Variants in TMEM8B observed in about 807,000 individuals in gnomAD.
TMEM8B encodes transmembrane protein 8B, also known as nasopharyngeal carcinoma expressed 6.
TMEM8B carries 29 observed loss-of-function variants against 49.3 expected under a neutral mutation model. The ratio of observed to expected loss-of-function variants is 0.59; its 90% CI spans 0.44 to 0.80. The LOEUF is 0.80. TMEM8B is among the 30% of genes least tolerant of loss of function. The pLI, the probability that TMEM8B is intolerant of heterozygous loss-of-function variation, is 0.00. For missense variants in TMEM8B, 575 were observed against 658.5 expected, an observed-to-expected ratio of 0.87 and a Z score of 1.39; for synonymous variants, 264 against 272.8, an observed-to-expected ratio of 0.97 and a Z score of 0.32.
chr9:35,856,826 G>A lies in TMEM8B; in HGVS notation c.*2986G>A, dbSNP rs1039524515. On this transcript the variant is annotated 3_prime_UTR_variant, in exon 13 of 13. Coordinates refer to ENST00000643932, the MANE Select transcript of TMEM8B (RefSeq NM_001042590.4). ...TTCCCTGAGATGGTGACACCACTTT[G>A]GGTGGGGGGAAGATGAGCTCCACTT... 6.6e-6 allele frequency: 1 copy of A among 152,274 alleles called. No homozygotes were observed. The highest frequency in any genetic ancestry group is 1.5e-5 in the Non-Finnish European group (1 of 68,114). The allele number at this position is 152,274 out of a possible 1,614,324, so 9.4% of individuals were successfully genotyped here.
Position 35,853,392 on chromosome 9 carries a change from T to C in TMEM8B, c.2440-113T>C. On this transcript the variant is annotated intron_variant, in intron 12 of 12. Transcript: ENST00000643932. The surrounding 1 kb of genome is among the most constrained non-coding windows in gnomAD (Gnocchi z 4.2). Reference sequence around the variant, plus strand: ...CTGCTGGCAGTGTCCGCTCCAGTCTTGGCAGGTGTCTTTAGGTCACAACCA... The same window carrying C: ...CTGCTGGCAGTGTCCGCTCCAGTCTCGGCAGGTGTCTTTAGGTCACAACCA... 5 of 1,482,248 alleles carry C rather than the reference T, an allele frequency of 3.4e-6. No individual in the cohort carries two copies. Among genetic ancestry groups the C allele is most frequent in the Non-Finnish European group, 4.6e-6 (5 of 1,093,096 alleles). The allele number at this position is 1,482,248 out of a possible 1,614,324, so 91.8% of individuals were successfully genotyped here. A position where few individuals can be genotyped will look rare whatever the true frequency, so the allele number is the denominator to read the frequency against.
chr9:35,853,581 G>C lies in TMEM8B; in HGVS notation c.2516G>C (p.Ser839Thr), dbSNP rs1832357272. The change falls in exon 13 of 13, where the codon AGC (serine) becomes ACC (threonine). Residue 839 changes from serine (S) to threonine (T), a missense_variant. Transcript: ENST00000643932. This position sits in a 1 kb window ranked among gnomAD's most constrained non-coding sequence, Gnocchi z 4.2. ...TGGCTTTTCTACTTGTGCCCTGGCA[G>C]CCTTATTGCAGGCAGTGCCGTCCTG... is the stretch of plus-strand genomic sequence containing the variant. ...RRWLFYLCPG[S>T]LIAGSAVLLY... The C allele has an allele frequency of 1.2e-6, 2 of 1,614,230 alleles. No homozygotes were observed. The highest frequency in any genetic ancestry group is 1.7e-6 in the Non-Finnish European group (2 of 1,180,052).
chr9:35,846,346 C>G lies in TMEM8B; in HGVS notation c.1818C>G (p.Phe606Leu), dbSNP rs145276064. ...RIPFPQTGTW[F>L]LALRSLCGVG... ...CATTCCCGCAGACGGGGACCTGGTT[C>G]CTGGCCCTCCGCTCCCTGTGCGGGG... Residue 606 changes from phenylalanine to leucine, a missense_variant, in exon 8 of 13, where the codon TTC becomes TTG. By Grantham distance (22) the Phe-to-Leu change is conservative (BLOSUM62 0). Coordinates refer to ENST00000643932, the MANE Select transcript of TMEM8B (RefSeq NM_001042590.4). 1 of 1,614,060 alleles carries G rather than the reference C, an allele frequency of 6.2e-7. No individual in the cohort carries two copies. Among genetic ancestry groups the G allele is most frequent in the Non-Finnish European group, 8.5e-7 (1 of 1,180,028 alleles).
chr9:35,830,042 TG>T, intron 1 of TMEM8B, 87 bp downstream of exon 1: 1 of 409,734 alleles, frequency 2.4e-6, no homozygotes. Context: ...AGGTGGGACC[TG>T]GGGAACTAGA....
At position 35,853,153 on chromosome 9, in the gene TMEM8B, C is replaced by T; in HGVS notation, c.2335C>T (p.Leu779=). 2.5e-6 allele frequency: 4 copies of T among 1,614,026 alleles called. No homozygotes were observed. Among genetic ancestry groups the T allele is most frequent in the Non-Finnish European group, 2.5e-6 (3 of 1,179,886 alleles). The stretch of plus-strand genomic sequence containing the variant: ...TCTCTTTCTCTAGGTGCTGTATTTG[C>T]TGGGAGCTATGCTGCTGTCCATGGC... ...QPVVKQVLYL[L]GAMLLSMALQ... Residue 779 remains leucine (L), a synonymous_variant, in exon 12 of 13, where the codon CTG becomes TTG. Transcript: ENST00000643932. This position sits in a 1 kb window ranked among gnomAD's most constrained non-coding sequence, Gnocchi z 4.2.
In TMEM8B at chr9:35,842,493, C is replaced by T; in HGVS notation, c.1411C>T (p.Leu471Phe). The change falls in exon 6 of 13, where the codon CTT (leucine) becomes TTT (phenylalanine). Residue 471 changes from leucine (L) to phenylalanine (F), a missense_variant. Transcript: ENST00000643932. The surrounding 1 kb of genome is among the most constrained non-coding windows in gnomAD (Gnocchi z 5.6). ...NQPLPPEPPS[L>F]GTPAEGPGTT... ...GCCACTGCCCCCAGAACCGCCATCC[C>T]TTGGAACCCCTGCGGAGGGGCCTGG... 7 of 1,607,944 alleles carry T rather than the reference C, an allele frequency of 4.4e-6. No individual in the cohort carries two copies. Among genetic ancestry groups the T allele is most frequent in the Non-Finnish European group, 5.1e-6 (6 of 1,175,882 alleles).
At chr9:35,843,944 A>G (rs1831264968) in intron 6 of TMEM8B, among the ~76,000 whole-genome samples, 1 of 151,976 alleles carries the variant, frequency 6.6e-6, no homozygotes, top group Non-Finnish European at 1.5e-5. Context: ...TTGTATTTTT[A>G]GTAGAGACTG....
At chr9:35,840,069 C>A (rs1030208311) in intron 3 of TMEM8B, among the ~76,000 whole-genome samples, 2 of 152,184 alleles carry the variant, frequency 1.3e-5, no homozygotes, top group Non-Finnish European at 2.9e-5. Flanking sequence ...CCCCACCTCC[C>A]CTTAACTGTG....
At chr9:35,832,774 C>G (rs1318794201) in intron 1 of TMEM8B, among the ~76,000 whole-genome samples, 1 of 152,154 alleles carries the variant, frequency 6.6e-6, no homozygotes, top group African/African-American at 2.4e-5. Flanking sequence ...GTTCTGATTT[C>G]TTCTAACAAT....
chr9:35,846,457 G>T lies in TMEM8B; in HGVS notation c.1854-12G>T. On this transcript the variant is annotated splice_polypyrimidine_tract_variant and intron_variant, in intron 8 of 12. Coordinates refer to ENST00000643932, the MANE Select transcript of TMEM8B (RefSeq NM_001042590.4). ...GGCCCGGGGCCCCAGGTGACTGCGAGTTTGTGCGCAGGTTCGTGCGGTGCC... is the reference window on the plus strand; with the variant it reads ...GGCCCGGGGCCCCAGGTGACTGCGATTTTGTGCGCAGGTTCGTGCGGTGCC... 1 of 1,597,754 alleles carries T rather than the reference G, an allele frequency of 6.3e-7. No individual in the cohort carries two copies. The highest frequency in any genetic ancestry group is 2.3e-5 in the East Asian group (1 of 44,370).
intron 1 of TMEM8B, 21 bp from the exon 2 acceptor site, chr9:35,834,440 T>C: frequency 2.4e-6 from 1 of 414,316 alleles, no homozygotes; most frequent in Non-Finnish European, 4.4e-6. Flanking sequence ...CCTGCTCCTT[T>C]CTCTCTCTCC....
chr9:35,848,967 C>T (rs575602539), intron 10 of TMEM8B, among the ~76,000 whole-genome samples: 6 of 152,236 alleles, frequency 3.9e-5, no homozygotes, highest in East Asian at 3.9e-4. Context: ...GCCACTGCGC[C>T]GGGCCAAAAT....
At position 35,846,393 on chromosome 9, in the gene TMEM8B, G is replaced by C. The variant is rs762113451; in HGVS notation, c.1853+12G>C. The stretch of plus-strand genomic sequence containing the variant: ...GGGGTGGGGCCTCGGTGAGCGGTGC[G>C]GGGCGGGGCCAGGGCTGGGACCGGG... On this transcript the variant is annotated intron_variant, in intron 8 of 12. Transcript: ENST00000643932. 6.2e-7 allele frequency: 1 copy of C among 1,609,268 alleles called. No homozygotes were observed. The highest frequency in any genetic ancestry group is 1.7e-5 in the Admixed American group (1 of 59,830).
At position 35,829,949 on chromosome 9, in the gene TMEM8B, G is replaced by A. The variant is rs1829682180; in HGVS notation, c.502G>A (p.Gly168Arg). 2 of 415,828 alleles carry A rather than the reference G, an allele frequency of 4.8e-6. No individual in the cohort carries two copies. The highest frequency in any genetic ancestry group is 2.1e-5 in the African/African-American group (1 of 48,714). 25.8% of individuals were successfully genotyped at this position (415,828 alleles called of 1,614,324 possible). A position where few individuals can be genotyped will look rare whatever the true frequency, so the allele number is the denominator to read the frequency against. Residue 168 changes from glycine to arginine, a missense_variant, in exon 1 of 13, where the codon GGG becomes AGG. Gly to Arg is a moderately radical substitution (Grantham distance 125). Coordinates refer to ENST00000643932, the MANE Select transcript of TMEM8B (RefSeq NM_001042590.4). Reference sequence around the variant, plus strand: ...GTTGCTGTTCTCTGTCCTTGGCCCAGGGGCTGGTGAGTGCAGAAGCAGGGA... The same window carrying A: ...GTTGCTGTTCTCTGTCCTTGGCCCAAGGGCTGGTGAGTGCAGAAGCAGGGA... ...LLLLFSVLGPGAGGLFLTDYS... is the reference protein window; with the variant it reads ...LLLLFSVLGPRAGGLFLTDYS...
At chr9:35,847,731 T>C (rs1163790599) in intron 10 of TMEM8B, among the ~76,000 whole-genome samples, 1 of 152,196 alleles carries the variant, frequency 6.6e-6, no homozygotes, top group Non-Finnish European at 1.5e-5. Flanking sequence ...TAATATAGTT[T>C]AAAACCCCTC....
chr9:35,830,188 A>G (rs1273154476), intron 1 of TMEM8B, among the ~76,000 whole-genome samples: 1 of 152,208 alleles, frequency 6.6e-6, no homozygotes, highest in Non-Finnish European at 1.5e-5. Context: ...AGAGACTCCA[A>G]GATTTTTTCT....
At chr9:35,840,123 A>G (rs1830827265) in intron 3 of TMEM8B, among the ~76,000 whole-genome samples, 1 of 152,180 alleles carries the variant, frequency 6.6e-6, no homozygotes, top group Non-Finnish European at 1.5e-5. Context: ...CAGAAGAGGA[A>G]CTGCGACAAA....
At chr9:35,840,078 T>C (rs897708507) in intron 3 of TMEM8B, among the ~76,000 whole-genome samples, 7 of 152,126 alleles carry the variant, frequency 4.6e-5, no homozygotes, top group African/African-American at 1.2e-4. Flanking sequence ...CCCTTAACTG[T>C]GAGGTCTGTA....
Position 35,834,518 on chromosome 9 carries a change from G to A in TMEM8B, c.566G>A (p.Arg189His), listed in dbSNP as rs989491735. Residue 189 changes from arginine (R) to histidine (H), a missense_variant, in exon 2 of 13, where the codon CGC (arginine) becomes CAC (histidine). Coordinates refer to ENST00000643932, the MANE Select transcript of TMEM8B (RefSeq NM_001042590.4). ...TCACCCCGCAAGCTGAGTCCTTTCC[G>A]CTCCTTTGCCAGCACCGAGCTCTTC... ...TCSPRKLSPF[R>H]SFASTELFHF... 3.1e-5 allele frequency: 13 copies of A among 415,102 alleles called. No individual in the cohort carries two copies. The highest frequency in any genetic ancestry group is 1.7e-4 in the African/African-American group (8 of 48,130). 25.7% of individuals were successfully genotyped at this position (415,102 alleles called of 1,614,324 possible).
Sources: gnomAD v4.1 joint callset for allele counts (sites outside exome capture counted in the v4.1 genomes callset) on GRCh38, gnomAD v4.1.1 for gene constraint, Gnocchi (gnomAD v3.1) non-coding constraint, MANE v1.5 for transcripts, NCBI Gene and HGNC (gene_info 2026-07-23, HGNC 2026-07-21) for gene names.